CCR9: variants seen among roughly 807,000 people sequenced by gnomAD.
CCR9 encodes the protein C-C chemokine receptor type 9.
A neutral mutation model predicts 8.7 loss-of-function variants in CCR9; 4 were observed. That is an observed-to-expected ratio of 0.46 (90% CI 0.23 to 1.06). The LOEUF (loss-of-function observed/expected upper bound fraction) is 1.06. Ranked by LOEUF, CCR9 falls within the 50% of genes least tolerant of loss-of-function variation. CCR9 has a pLI of 0.21. For synonymous variants in CCR9, 159 were observed against 168.8 expected (o/e 0.94, Z 0.45); for missense variants, 394 against 453.6 (o/e 0.87, Z 1.19).
At chr3:45,890,335 A>ATAAATAT (rs1553616543) in intron 1 of CCR9, among the ~76,000 whole-genome samples, 4 of 61,726 alleles carry the variant, frequency 6.5e-5, no homozygotes, top group African/African-American at 4.9e-4. Context: ...ATATATATAT[A>ATAAATAT]ACATATATAT....
rs142295091 is a variant in CCR9 at position 45,892,669 on chromosome 3, G to A, written c.-28-2237G>A. On this transcript the variant is annotated intron_variant, in intron 1 of 2. Transcript: ENST00000357632. Reference sequence around the variant, plus strand: ...TCTATACACCAAGCCCCCATGACGCGCAATTTACCTATATGACAAACCTGC... The same window carrying A: ...TCTATACACCAAGCCCCCATGACGCACAATTTACCTATATGACAAACCTGC... Among the ~76,000 whole-genome samples, 6 of 152,078 alleles carry A rather than the reference G, an allele frequency of 3.9e-5. No homozygotes were observed. The East Asian group carries it at 7.7e-4, about 20-fold the overall frequency.
intron 2 of CCR9, 61 bp downstream of exon 2, chr3:45,895,015 G>T: frequency 6.6e-7 from 1 of 1,506,350 alleles, no homozygotes. Context: ...CTTTTTAGGG[G>T]GTGTGGGAAG....
rs1702307402 is a variant in CCR9 at position 45,894,970 on chromosome 3, C to T, written c.21+16C>T. On this transcript the variant is annotated intron_variant, in intron 2 of 2. Transcript: ENST00000357632. ...AGACTTCACAGTGAGTACAGCCGTG[C>T]TCCTCTGGCTCCTCAAAACACACAC... The T allele has an allele frequency of 6.2e-7, 1 of 1,612,784 alleles. No homozygotes were observed. Among genetic ancestry groups the T allele is most frequent in the Non-Finnish European group, 8.5e-7 (1 of 1,178,752 alleles).
chr3:45,896,341 G>T (rs3774641), intron 2 of CCR9, among the ~76,000 whole-genome samples: 25,088 of 152,168 alleles, frequency 0.16, 2,629 homozygotes, highest in South Asian at 0.44. Context: ...GTAATGACCT[G>T]CTCTTGTCAG....
In CCR9 at chr3:45,900,079, G is replaced by C. The variant is rs971276006; in HGVS notation, c.22-731G>C. Among the ~76,000 whole-genome samples, 4 of 152,110 alleles carry C rather than the reference G, an allele frequency of 2.6e-5. No individual in the cohort carries two copies. Among genetic ancestry groups the C allele is most frequent in the African/African-American group, 4.8e-5 (2 of 41,406 alleles). Reference sequence around the variant, plus strand: ...ACATATGAGTGTGTGTGCTTGTTGGGGCCAGCTTCATGGCTGTGCAACCCA... The same window carrying C: ...ACATATGAGTGTGTGTGCTTGTTGGCGCCAGCTTCATGGCTGTGCAACCCA... On this transcript the variant is annotated intron_variant, in intron 2 of 2. Coordinates refer to ENST00000357632, the MANE Select transcript of CCR9 (RefSeq NM_031200.3). The surrounding 1 kb of genome is among the most constrained non-coding windows in gnomAD (Gnocchi z 4.7).
At chr3:45,894,077 C>T (rs1702273115) in intron 1 of CCR9, among the ~76,000 whole-genome samples, 1 of 152,128 alleles carries the variant, frequency 6.6e-6, no homozygotes, top group Non-Finnish European at 1.5e-5. Flanking sequence ...AAAGGAAATG[C>T]CCCAGCTCAG....
intron 1 of CCR9, among the ~76,000 whole-genome samples, chr3:45,891,221 C>T (rs143010575): frequency 1.3e-5 from 2 of 152,334 alleles, no homozygotes; most frequent in African/African-American, 4.8e-5. Flanking sequence ...TGGGGCTACT[C>T]ATTTTTATTT....
chr3:45,897,266 G>T (rs893053642), intron 2 of CCR9, among the ~76,000 whole-genome samples: 3 of 152,150 alleles, frequency 2.0e-5, no homozygotes, highest in Non-Finnish European at 4.4e-5. Context: ...TTCCTCTCGT[G>T]GTCCTGACAA....
Position 45,896,992 on chromosome 3 carries a change from G to A in CCR9, c.21+2038G>A, listed in dbSNP as rs147753307. On this transcript the variant is annotated intron_variant, in intron 2 of 2. Transcript: ENST00000357632. Reference sequence around the variant, plus strand: ...GCTCTGGGACCTTCTTCCTGCTCTGGGTGTTCACAACTGGGACGCCTGGGC... The same window carrying A: ...GCTCTGGGACCTTCTTCCTGCTCTGAGTGTTCACAACTGGGACGCCTGGGC... Among the ~76,000 whole-genome samples, 194 of 152,292 alleles carry A rather than the reference G, an allele frequency of 1.3e-3. 1 individual carries two copies. The highest frequency in any genetic ancestry group is 0.01 in the Middle Eastern group (3 of 294).
chr3:45,890,171 T>C lies in CCR9; in HGVS notation c.-29+3516T>C, dbSNP rs75198980. 6.9e-5 allele frequency among the ~76,000 whole-genome samples: 10 copies of C among 145,742 alleles called. No individual in the cohort carries two copies. The East Asian group carries it at 1.6e-3, about 23-fold the overall frequency. On this transcript the variant is annotated intron_variant, in intron 1 of 2. Transcript: ENST00000357632. ...TTTCTTCTTTTTGTGGTTTCTTTCT[T>C]TGGGAATTTTTCTCAGGTATTACAT...
intron 1 of CCR9, 139 bp from the exon 2 acceptor site, chr3:45,894,767 T>C (rs1439883465): frequency 1.0e-5 from 7 of 669,784 alleles, no homozygotes; most frequent in Admixed American, 4.3e-5. Flanking sequence ...TAGAATACTA[T>C]ATAGACTCTA....
intron 1 of CCR9, among the ~76,000 whole-genome samples, chr3:45,887,514 C>T (rs928645810): frequency 4.6e-5 from 7 of 152,170 alleles, no homozygotes; most frequent in African/African-American, 1.4e-4. Context: ...CTCTTTAGTT[C>T]TGAATTAGCT....
At chr3:45,893,345 G>A (rs1209545757) in intron 1 of CCR9, among the ~76,000 whole-genome samples, 1 of 152,012 alleles carries the variant, frequency 6.6e-6, no homozygotes, top group Non-Finnish European at 1.5e-5. Context: ...TATAGAAATG[G>A]GGTTTCACCA....
chr3:45,894,910 A>T lies in CCR9; in HGVS notation c.-24A>T. 1 of 1,613,618 alleles carries T rather than the reference A, an allele frequency of 6.2e-7. No homozygotes were observed. The highest frequency in any genetic ancestry group is 8.5e-7 in the Non-Finnish European group (1 of 1,179,530). On this transcript the variant is annotated 5_prime_UTR_variant, in exon 2 of 3. Transcript: ENST00000357632. ...TGATTTTTGTCCCTTTTCCAGGAGC[A>T]GGCTTGCATCTGACTGACCCACCAT...
intron 2 of CCR9, chr3:45,897,543 C>T (rs1702396621): frequency 1.3e-6 from 2 of 1,514,780 alleles, no homozygotes; most frequent in African/African-American, 2.8e-5. Context: ...CACAATTTCT[C>T]CCATTCTGCT....
chr3:45,894,802 A>T (rs1702300165), intron 1 of CCR9, 104 bp from the exon 2 acceptor site: 5 of 803,904 alleles, frequency 6.2e-6, no homozygotes, highest in Middle Eastern at 2.3e-4. Context: ...TATTTTTTTC[A>T]GAAGAATAAG....
In CCR9 at chr3:45,899,223, T is replaced by C. The variant is rs967448556; in HGVS notation, c.22-1587T>C. On this transcript the variant is annotated intron_variant, in intron 2 of 2. Transcript: ENST00000357632. Reference sequence around the variant, plus strand: ...TTGTAGGACTTTTCAGATCCTTCAATGTGCTCAGGAGTATTGTGAATTTCA... The same window carrying C: ...TTGTAGGACTTTTCAGATCCTTCAACGTGCTCAGGAGTATTGTGAATTTCA... Among the ~76,000 whole-genome samples, 6 of 152,220 alleles carry C rather than the reference T, an allele frequency of 3.9e-5. No homozygotes were observed. In the East Asian group the frequency reaches 9.6e-4, roughly 24 times the overall value.
intron 2 of CCR9, chr3:45,897,449 C>A: frequency 1.4e-6 from 1 of 730,368 alleles, no homozygotes; most frequent in Non-Finnish European, 2.4e-6. Flanking sequence ...ATGTCCTTGT[C>A]TGGGATTCAG....
intron 2 of CCR9, among the ~76,000 whole-genome samples, chr3:45,898,964 G>T (rs554356256): frequency 6.6e-6 from 1 of 152,100 alleles, no homozygotes; most frequent in Non-Finnish European, 1.5e-5. Context: ...TCAGAAGTTC[G>T]AGACCAGCCT....
Sources: gnomAD v4.1 joint callset for allele counts (sites outside exome capture counted in the v4.1 genomes callset) on GRCh38, gnomAD v4.1.1 for gene constraint, Gnocchi (gnomAD v3.1) non-coding constraint, MANE v1.5 for transcripts, NCBI Gene and HGNC (gene_info 2026-07-23, HGNC 2026-07-21) for gene names.